The following SCN8A variants were observed in gnomAD, a reference collection of about 807,000 sequenced individuals.
SCN8A encodes sodium channel protein type 8 subunit alpha.
Under a neutral mutation model 184.1 loss-of-function variants are expected in SCN8A, and 30 were observed. The observed-to-expected ratio is 0.16, with a 90% CI of 0.12 to 0.22. The LOEUF is 0.22. SCN8A is among the 10% of genes least tolerant of loss of function. The pLI is 1.00. For synonymous variants in SCN8A, 852 were observed against 907.0 expected, an observed-to-expected ratio of 0.94 and a Z score of 1.09; for missense variants, 1,057 against 2,498.9, an observed-to-expected ratio of 0.42 and a Z score of 12.30.
chr12:51,639,567 A>G (rs1198884994), intron 1 of SCN8A, among the ~76,000 whole-genome samples: 1 of 151,972 alleles, frequency 6.6e-6, no homozygotes, highest in Non-Finnish European at 1.5e-5. Flanking sequence ...GCTGCGCGCC[A>G]CAGCGTGACT....
chr12:51,598,328 G>A (rs985055749), intron 1 of SCN8A, among the ~76,000 whole-genome samples: 4 of 152,062 alleles, frequency 2.6e-5, no homozygotes, highest in Non-Finnish European at 4.4e-5. Context: ...GTACACCTCC[G>A]TATTACTGAA....
intron 12 of SCN8A, among the ~76,000 whole-genome samples, chr12:51,743,806 G>A (rs901915214): frequency 2.6e-5 from 4 of 152,162 alleles, no homozygotes; most frequent in East Asian, 1.9e-4. Context: ...CATGTTGTCC[G>A]GAAGCCAGGG....
chr12:51,763,720 T>C (rs1425924332), intron 15 of SCN8A, among the ~76,000 whole-genome samples: 1 of 152,208 alleles, frequency 6.6e-6, no homozygotes, highest in African/African-American at 2.4e-5. Flanking sequence ...GATATCTTGA[T>C]TAACTCCTCG....
intron 25 of SCN8A, 26 bp downstream of exon 25, chr12:51,790,528 C>T: frequency 6.8e-7 from 1 of 1,477,928 alleles, no homozygotes; most frequent in Non-Finnish European, 9.4e-7. Context: ...AGGCTGAGGC[C>T]TTGGTGAGAA....
chr12:51,797,109 C>T (rs1462127217), intron 26 of SCN8A, among the ~76,000 whole-genome samples: 1 of 152,154 alleles, frequency 6.6e-6, no homozygotes, highest in Non-Finnish European at 1.5e-5. Context: ...TAATATTAAC[C>T]ATTACAAGTC....
At chr12:51,596,691 A>C (rs898074113) in intron 1 of SCN8A, among the ~76,000 whole-genome samples, 3 of 152,234 alleles carry the variant, frequency 2.0e-5, no homozygotes, top group African/African-American at 7.2e-5. Context: ...AGGATGTATC[A>C]ATAAGTAGAA....
At chr12:51,648,391 C>T (rs1451052355) in intron 1 of SCN8A, among the ~76,000 whole-genome samples, 1 of 152,128 alleles carries the variant, frequency 6.6e-6, no homozygotes, top group Admixed American at 6.5e-5. Context: ...ATGTAGTCTC[C>T]TAGAGTGGGT....
intron 1 of SCN8A, among the ~76,000 whole-genome samples, chr12:51,627,300 A>C (rs961131176): frequency 1.3e-5 from 2 of 152,230 alleles, no homozygotes; most frequent in Admixed American, 6.5e-5. Context: ...TGAGATAATA[A>C]ATATCAGCCT....
chr12:51,690,462 TC>T (rs375104542), intron 6 of SCN8A, among the ~76,000 whole-genome samples: 80 of 152,168 alleles, frequency 5.3e-4, no homozygotes, highest in African/African-American at 1.5e-3. Context: ...AAGTGATCCT[TC>T]CTTCTCAGCC....
intron 1 of SCN8A, among the ~76,000 whole-genome samples, chr12:51,629,814 C>T (rs998719519): frequency 6.6e-6 from 1 of 152,096 alleles, no homozygotes; most frequent in Non-Finnish European, 1.5e-5. Flanking sequence ...TGAGTGGTGA[C>T]ACCTGGGATG....
At chr12:51,786,946 A>G (rs1307087455) in intron 22 of SCN8A, 120 bp downstream of exon 22, 3 of 993,540 alleles carry the variant, frequency 3.0e-6, no homozygotes, top group South Asian at 1.6e-5. Flanking sequence ...AATAAGTCCA[A>G]GAAAACAGTA....
At chr12:51,638,300 C>G (rs916953421) in intron 1 of SCN8A, among the ~76,000 whole-genome samples, 3 of 152,120 alleles carry the variant, frequency 2.0e-5, no homozygotes, top group Non-Finnish European at 4.4e-5. Context: ...ACTTTCAAGT[C>G]ATTAGTTTAA....
chr12:51,785,047 C>G (rs1023209208), intron 21 of SCN8A, among the ~76,000 whole-genome samples: 1 of 152,174 alleles, frequency 6.6e-6, no homozygotes, highest in Non-Finnish European at 1.5e-5. Flanking sequence ...CTAATCTACT[C>G]CCGTATTGTT....
In SCN8A at chr12:51,786,537, T is replaced by C. The variant is rs759930100; in HGVS notation, c.3943-5T>C. ...AACACTGAGCAACCTCCCCTTCCAA[T>C]GCAGGTGGTGGTGAATGCCTTGGTG... On this transcript the variant is annotated splice_polypyrimidine_tract_variant and splice_region_variant and intron_variant, in intron 21 of 26. Transcript: ENST00000627620. 1.2e-6 allele frequency: 2 copies of C among 1,614,094 alleles called. No individual in the cohort carries two copies. Among genetic ancestry groups the C allele is most frequent in the Non-Finnish European group, 1.7e-6 (2 of 1,179,980 alleles).
intron 26 of SCN8A, among the ~76,000 whole-genome samples, chr12:51,802,452 T>G (rs1055208246): frequency 7.2e-5 from 11 of 152,212 alleles, no homozygotes; most frequent in African/African-American, 2.7e-4. Flanking sequence ...TTCCAATCAG[T>G]GCCCTCACTT....
intron 16 of SCN8A, among the ~76,000 whole-genome samples, chr12:51,767,388 C>A (rs1009530574): frequency 6.6e-6 from 1 of 152,174 alleles, no homozygotes; most frequent in African/African-American, 2.4e-5. Flanking sequence ...AGTCCTTCTG[C>A]CCATCTAGTT....
At chr12:51,724,911 G>T (rs1176048581) in intron 12 of SCN8A, among the ~76,000 whole-genome samples, 2 of 152,180 alleles carry the variant, frequency 1.3e-5, no homozygotes, top group Non-Finnish European at 2.9e-5. Context: ...TTGAGAGTCA[G>T]TTAAGCAGAT....
In SCN8A at chr12:51,689,161, C is replaced by T. The variant is rs995597341; in HGVS notation, c.706+65C>T. On this transcript the variant is annotated intron_variant, in intron 6 of 26. Transcript: ENST00000627620. The stretch of plus-strand genomic sequence containing the variant: ...CCTCTTTCTCCTCCATTCGTTTTGT[C>T]CACCATTCTAAAGCAGCATCAGTAC... The T allele has an allele frequency of 1.9e-4, 223 of 1,200,394 alleles. 1 individual carries two copies. Among genetic ancestry groups the T allele is most frequent in the Non-Finnish European group, 2.6e-4 (219 of 834,666 alleles). The allele number at this position is 1,200,394 out of a possible 1,614,324, so 74.4% of individuals were successfully genotyped here.
At chr12:51,666,463 A>G (rs1157060560) in intron 2 of SCN8A, among the ~76,000 whole-genome samples, 1 of 152,228 alleles carries the variant, frequency 6.6e-6, no homozygotes, top group Non-Finnish European at 1.5e-5. Context: ...TCTCTTCTAC[A>G]AGGAAGCACA....
Sources: allele counts gnomAD v4.1 joint callset (sites outside exome capture counted in the v4.1 genomes callset), GRCh38; gene constraint gnomAD v4.1.1; transcripts MANE v1.5; gene names NCBI Gene and HGNC (gene_info 2026-07-23, HGNC 2026-07-21).